The following SPINT2 variants were observed in gnomAD, a reference collection of about 807,000 sequenced individuals.
SPINT2 encodes serine peptidase inhibitor, Kunitz type 2.
Under a neutral mutation model 30.1 loss-of-function variants are expected in SPINT2, and 18 were observed. That is an observed-to-expected ratio of 0.60 (90% confidence interval 0.41 to 0.89). SPINT2 has a LOEUF of 0.89. Among genes scored for constraint, SPINT2 ranks in the 40% least tolerant of loss-of-function variants. The pLI is 0.00. For synonymous variants in SPINT2, 139 were observed against 137.9 expected, an observed-to-expected ratio of 1.01 and a Z score of -0.05; for missense variants, 276 against 334.3, an observed-to-expected ratio of 0.83 and a Z score of 1.36.
chr19:38,280,088 G>A (rs1355963201), intron 1 of SPINT2, among the ~76,000 whole-genome samples: 1 of 152,224 alleles, frequency 6.6e-6, no homozygotes, highest in Non-Finnish European at 1.5e-5. Context: ...TAGAGCAGAT[G>A]TAAGCAGCTG....
rs544029586 is a variant in SPINT2, at chr19:38,291,936, G to A, written c.689G>A (p.Arg230His). 5.2e-4 allele frequency: 840 copies of A among 1,614,084 alleles called. 12 individuals carry two copies. The South Asian group carries it at 8.4e-3, about 16-fold the overall frequency. ...LIRVARRNQERALRTVWSSGD... is the reference protein window; with the variant it reads ...LIRVARRNQEHALRTVWSSGD... The stretch of plus-strand genomic sequence containing the variant: ...CGGGTGGCACGGAGGAACCAGGAGC[G>A]TGCCCTGCGCACCGTCTGGAGCTCC... Residue 230 changes from arginine to histidine, a missense_variant, in exon 7 of 7, where the codon CGT (arginine) becomes CAT (histidine). By Grantham distance (29) the Arg-to-His change is conservative. Coordinates refer to ENST00000301244, the MANE Select transcript of SPINT2 (RefSeq NM_021102.4).
chr19:38,266,799 G>T (rs1334377071), intron 1 of SPINT2, among the ~76,000 whole-genome samples: 2 of 152,240 alleles, frequency 1.3e-5, no homozygotes, highest in Admixed American at 1.3e-4. Context: ...GAGAGGCTCA[G>T]CTGTAGGTGA....
At chr19:38,287,744 C>T (rs1968659504) in intron 2 of SPINT2, 132 bp from the exon 3 acceptor site, 2 of 944,730 alleles carry the variant, frequency 2.1e-6, no homozygotes, top group Admixed American at 1.7e-5. Flanking sequence ...TGTGGTCTGG[C>T]ATGCACATTG....
intron 1 of SPINT2, among the ~76,000 whole-genome samples, chr19:38,266,026 G>T (rs866201664): frequency 1.3e-5 from 2 of 152,224 alleles, no homozygotes; most frequent in Non-Finnish European, 1.5e-5. Context: ...GGTGGTCGGG[G>T]GACGTCTCCG....
intron 1 of SPINT2, among the ~76,000 whole-genome samples, chr19:38,269,407 T>A (rs1196469390): frequency 2.8e-5 from 4 of 141,218 alleles, no homozygotes; most frequent in African/African-American, 5.4e-5. Context: ...CACCTTTTTT[T>A]TTTTTTTTTT....
rs759143848 is a variant in SPINT2 at position 38,287,955 on chromosome 19, C to T, written c.337+20C>T. ...CAAGTGGTAGGTTCTTAAAGAGACC[C>T]GCGATGGAGTGAGGCCACCGGATGG... On this transcript the variant is annotated intron_variant, in intron 3 of 6. Coordinates refer to ENST00000301244, the MANE Select transcript of SPINT2 (RefSeq NM_021102.4). 6.6e-5 allele frequency: 107 copies of T among 1,613,834 alleles called. No homozygotes were observed. The highest frequency in any genetic ancestry group is 1.7e-4 in the Middle Eastern group (1 of 6,060).
rs1330750711 is a variant in SPINT2 at position 38,290,837 on chromosome 19, A to G, written c.592+262A>G. On this transcript the variant is annotated intron_variant, in intron 6 of 6. Coordinates refer to ENST00000301244, the MANE Select transcript of SPINT2 (RefSeq NM_021102.4). This position sits in a 1 kb window ranked among gnomAD's most constrained non-coding sequence, Gnocchi z 4.3. ...TGGGGATGAGGTCTTCCTGTTGAGC[A>G]TTTGAGGACTGCTGCACACGGGCCT... 1.7e-6 allele frequency: 1 copy of G among 578,874 alleles called. No individual in the cohort carries two copies. Among genetic ancestry groups the G allele is most frequent in the Non-Finnish European group, 3.1e-6 (1 of 319,186 alleles). The allele number at this position is 578,874 out of a possible 1,614,324, so 35.9% of individuals were successfully genotyped here.
intron 1 of SPINT2, among the ~76,000 whole-genome samples, chr19:38,277,314 C>T (rs1968531945): frequency 6.6e-6 from 1 of 152,084 alleles, no homozygotes; most frequent in African/African-American, 2.4e-5. Flanking sequence ...GGCGCAATCT[C>T]AGCTCACTGC....
chr19:38,264,644 T>A lies in SPINT2; in HGVS notation c.-249T>A. On this transcript the variant is annotated 5_prime_UTR_variant, in exon 1 of 7. Transcript: ENST00000301244. The stretch of plus-strand genomic sequence containing the variant: ...TCTGAACGCGCTGAGGGCCGTTGAG[T>A]GTCGCAGGCGGCGAGGGCGCGAGTG... The A allele has an allele frequency of 1.9e-6, 1 of 512,988 alleles. No homozygotes were observed. The highest frequency in any genetic ancestry group is 3.5e-6 in the Non-Finnish European group (1 of 286,578). The allele number at this position is 512,988 out of a possible 1,614,324, so 31.8% of individuals were successfully genotyped here.
Position 38,283,649 on chromosome 19 carries a change from G to T in SPINT2, c.129G>T (p.Val43=). ...SIHDFCLVSK[V]VGRCRASMPR... is the part of the protein sequence containing the mutation. ...CAGACTTCTGCCTGGTGTCGAAGGT[G>T]GTGGGCAGATGCCGGGCCTCCATGC... The change falls in exon 2 of 7, where the codon GTG becomes GTT. Residue 43 remains valine, a synonymous_variant. Coordinates refer to ENST00000301244, the MANE Select transcript of SPINT2 (RefSeq NM_021102.4). The T allele has an allele frequency of 1.9e-6, 3 of 1,614,050 alleles. No individual in the cohort carries two copies. In the African/African-American group the frequency reaches 4.0e-5, roughly 22 times the overall value.
chr19:38,278,122 C>A (rs79915396), intron 1 of SPINT2, among the ~76,000 whole-genome samples: 15 of 152,300 alleles, frequency 9.8e-5, no homozygotes, highest in South Asian at 2.1e-4. Context: ...ATTTCCCCCC[C>A]AGCCCTGGCC....
At chr19:38,283,281 C>T (rs1968601640) in intron 1 of SPINT2, among the ~76,000 whole-genome samples, 1 of 152,162 alleles carries the variant, frequency 6.6e-6, no homozygotes, top group African/African-American at 2.4e-5. Flanking sequence ...AGTCACCACA[C>T]TCCAGCCTGG....
intron 1 of SPINT2, among the ~76,000 whole-genome samples, chr19:38,268,766 C>CGCGCGCGTGTGTGTGTGTGT (rs375982086): frequency 6.0e-5 from 9 of 149,818 alleles, no homozygotes; most frequent in Admixed American, 2.7e-4. Flanking sequence ...TGCGCGCGCG[C>CGCGCGCGTGTGTGTGTGTGT]GTGTGTGTGT....
intron 2 of SPINT2, among the ~76,000 whole-genome samples, chr19:38,285,362 C>A (rs1345353321): frequency 6.6e-6 from 1 of 152,044 alleles, no homozygotes; most frequent in African/African-American, 2.4e-5. Context: ...TCACTTTTTT[C>A]TTTTTTTCTC....
In SPINT2 at chr19:38,292,238, T is replaced by C; in HGVS notation, c.*232T>C. 1.9e-6 allele frequency: 1 copy of C among 527,598 alleles called. No homozygotes were observed. The highest frequency in any genetic ancestry group is 3.4e-6 in the Non-Finnish European group (1 of 295,462). 32.7% of individuals were successfully genotyped at this position (527,598 alleles called of 1,614,324 possible). A position where few individuals can be genotyped will look rare whatever the true frequency, so the allele number is the denominator to read the frequency against. On this transcript the variant is annotated 3_prime_UTR_variant, in exon 7 of 7. Transcript: ENST00000301244. ...CAGCAGCCCCGAGTTGTTTCCTCGCTGATCGATTTCTTTCCTCCAGGTAGA... is the reference window on the plus strand; with the variant it reads ...CAGCAGCCCCGAGTTGTTTCCTCGCCGATCGATTTCTTTCCTCCAGGTAGA...
chr19:38,283,115 C>T (rs938420366), intron 1 of SPINT2, among the ~76,000 whole-genome samples: 4 of 151,880 alleles, frequency 2.6e-5, no homozygotes, highest in African/African-American at 9.7e-5. Context: ...AGTTGAAGAC[C>T]CTCCTGGGCA....
At position 38,264,857 on chromosome 19, in the gene SPINT2, TGGTGGC is replaced by T. The variant is rs1390694703; in HGVS notation, c.-34_-29del. Reference sequence around the variant, plus strand: ...CACCTGATCGCGAGACCCCAACGGCTGGTGGCGTCGCCTGCGCGTCTCGGCTGAGCT... The same window carrying T: ...CACCTGATCGCGAGACCCCAACGGCTGTCGCCTGCGCGTCTCGGCTGAGCT... On this transcript the variant is annotated 5_prime_UTR_variant, in exon 1 of 7. Coordinates refer to ENST00000301244, the MANE Select transcript of SPINT2 (RefSeq NM_021102.4). 6.5e-7 allele frequency: 1 copy of T among 1,527,658 alleles called. No individual in the cohort carries two copies. Among genetic ancestry groups the T allele is most frequent in the East Asian group, 2.5e-5 (1 of 40,648 alleles). 94.6% of individuals were successfully genotyped at this position (1,527,658 alleles called of 1,614,324 possible).
At chr19:38,281,810 T>C (rs887409224) in intron 1 of SPINT2, among the ~76,000 whole-genome samples, 1 of 152,134 alleles carries the variant, frequency 6.6e-6, no homozygotes, top group Non-Finnish European at 1.5e-5. Flanking sequence ...CAATCCAATT[T>C]TAGAACATTT....
At chr19:38,273,812 C>T (rs1045321939) in intron 1 of SPINT2, among the ~76,000 whole-genome samples, 5 of 152,126 alleles carry the variant, frequency 3.3e-5, no homozygotes, top group South Asian at 2.1e-4. Flanking sequence ...TTATCCTCTC[C>T]GTCAGCATGC....
Sources: allele counts gnomAD v4.1 joint callset (sites outside exome capture counted in the v4.1 genomes callset), GRCh38; gene constraint gnomAD v4.1.1; non-coding constraint Gnocchi (gnomAD v3.1); transcripts MANE v1.5; gene names NCBI Gene and HGNC (gene_info 2026-07-23, HGNC 2026-07-21).